The following DPP6 variants were observed in gnomAD, a reference collection of about 807,000 sequenced individuals.
The protein encoded by DPP6 is A-type potassium channel modulatory protein DPP6.
A neutral mutation model predicts 122.6 loss-of-function variants in DPP6; 69 were observed. The observed-to-expected ratio is 0.56, with a 90% CI of 0.46 to 0.69. DPP6 has a LOEUF of 0.69. Ranked by LOEUF, DPP6 falls within the 30% of genes least tolerant of loss-of-function variation. The probability of loss-of-function intolerance (pLI) is 0.00; values close to 1 mark genes in which losing one functional copy is unlikely to be tolerated. For synonymous variants in DPP6, 418 were observed against 433.1 expected (o/e 0.97, Z 0.43); for missense variants, 928 against 1,116.9 (o/e 0.83, Z 2.41).
At chr7:154,299,352 ACTC>A (rs1477084285) in intron 1 of DPP6, among the ~76,000 whole-genome samples, 3 of 152,052 alleles carry the variant, frequency 2.0e-5, no homozygotes, top group East Asian at 1.9e-4. Flanking sequence ...TGCAGGGAGA[ACTC>A]CTCAGTGGGA....
At chr7:154,629,768 C>A (rs1046380847) in intron 5 of DPP6, among the ~76,000 whole-genome samples, 1 of 152,152 alleles carries the variant, frequency 6.6e-6, no homozygotes, top group African/African-American at 2.4e-5. Context: ...GGGAGCTCAC[C>A]ACCTCAGGGA....
chr7:153,874,142 A>G, the DPP6 span, among the ~76,000 whole-genome samples: 1 of 152,212 alleles, frequency 6.6e-6, no homozygotes, highest in Non-Finnish European at 1.5e-5. Context: ...GCTTCAAATT[A>G]TCTGCACACC....
intron 1 of DPP6, among the ~76,000 whole-genome samples, chr7:154,330,447 A>G (rs1455645440): frequency 6.6e-6 from 1 of 152,140 alleles, no homozygotes; most frequent in East Asian, 1.9e-4. Context: ...CAGTTATGTC[A>G]CTGTGGGAAT....
At chr7:154,204,600 C>T (rs190007091) in intron 1 of DPP6, among the ~76,000 whole-genome samples, 13 of 152,306 alleles carry the variant, frequency 8.5e-5, no homozygotes, top group African/African-American at 2.2e-4. Context: ...CTCAGACCTG[C>T]GAGCCCCATT....
chr7:153,904,105 G>A (rs1799748400), intron 1 of DPP6, among the ~76,000 whole-genome samples: 1 of 152,150 alleles, frequency 6.6e-6, no homozygotes, highest in South Asian at 2.1e-4. Flanking sequence ...AAGCTGGACG[G>A]CAGTGGCATG....
intron 1 of DPP6, among the ~76,000 whole-genome samples, chr7:154,197,756 T>C (rs1449542509): frequency 6.6e-6 from 1 of 152,204 alleles, no homozygotes; most frequent in African/African-American, 2.4e-5. Flanking sequence ...GTTCAATTAA[T>C]ATAGATTATG....
In DPP6 at chr7:154,802,607, C is replaced by G. The variant is rs555964189; in HGVS notation, c.1407+1145C>G. On this transcript the variant is annotated intron_variant, in intron 13 of 25. Transcript: ENST00000377770. Reference sequence around the variant, plus strand: ...GGTGCGGTGGCTCACGCCTGTAATCCCAGCACTTTGGGAGGCCAAGGCAGG... The same window carrying G: ...GGTGCGGTGGCTCACGCCTGTAATCGCAGCACTTTGGGAGGCCAAGGCAGG... Among the ~76,000 whole-genome samples the G allele has an allele frequency of 2.6e-5, 4 of 152,238 alleles. No homozygotes were observed. The South Asian group carries it at 8.3e-4, about 32-fold the overall frequency.
intron 1 of DPP6, among the ~76,000 whole-genome samples, chr7:154,281,687 G>A (rs139392399): frequency 1.3e-5 from 2 of 152,290 alleles, no homozygotes; most frequent in Admixed American, 6.5e-5. Flanking sequence ...TTGTATCTTA[G>A]TATAAGATCT....
At chr7:154,541,020 C>A (rs927604785) in intron 4 of DPP6, among the ~76,000 whole-genome samples, 2 of 152,234 alleles carry the variant, frequency 1.3e-5, no homozygotes, top group African/African-American at 4.8e-5. Flanking sequence ...AACTTAGGCA[C>A]TGTGACTGTA....
At chr7:154,688,482 A>G (rs1014770696) in intron 7 of DPP6, among the ~76,000 whole-genome samples, 1 of 152,106 alleles carries the variant, frequency 6.6e-6, no homozygotes, top group Non-Finnish European at 1.5e-5. Flanking sequence ...TATGTCTGCT[A>G]GTGTATTAGT....
intron 1 of DPP6, among the ~76,000 whole-genome samples, chr7:154,121,964 G>A (rs1192529617): frequency 6.6e-6 from 1 of 151,968 alleles, no homozygotes; most frequent in East Asian, 1.9e-4. Context: ...ACCTTTCAAC[G>A]GACTGACTAC....
intron 1 of DPP6, among the ~76,000 whole-genome samples, chr7:154,034,092 T>G (rs1362731021): frequency 6.6e-6 from 1 of 152,246 alleles, no homozygotes; most frequent in Non-Finnish European, 1.5e-5. Context: ...TATCAATTTA[T>G]GGCTTATTAA....
At chr7:154,052,096 G>A (rs934228815), upstream of DPP6, among the ~76,000 whole-genome samples, 10 of 119,508 alleles carry the variant, frequency 8.4e-5, no homozygotes, top group African/African-American at 2.8e-4. This position sits in a 1 kb window ranked among gnomAD's most constrained non-coding sequence, Gnocchi z 4.8. Flanking sequence ...CCCTTGCACC[G>A]TCCGCTCGCG....
At chr7:154,724,558 T>A (rs1841973149) in intron 7 of DPP6, among the ~76,000 whole-genome samples, 1 of 152,178 alleles carries the variant, frequency 6.6e-6, no homozygotes, top group Non-Finnish European at 1.5e-5. Flanking sequence ...GACTTGAGTG[T>A]AAACATGTTG....
At chr7:154,787,034 G>T (rs986682159) in intron 10 of DPP6, among the ~76,000 whole-genome samples, 1 of 152,078 alleles carries the variant, frequency 6.6e-6, no homozygotes, top group East Asian at 1.9e-4. Context: ...CTCCCCTGTT[G>T]TCTTTATTAT....
rs149836823 is a variant in DPP6, at chr7:154,615,165, G to A, written c.628-22656G>A. Among the ~76,000 whole-genome samples, 647 of 152,226 alleles carry A rather than the reference G, an allele frequency of 4.3e-3. 5 individuals carry two copies. The highest frequency in any genetic ancestry group is 0.015 in the African/African-American group (620 of 41,538). On this transcript the variant is annotated intron_variant, in intron 5 of 25. Transcript: ENST00000377770. Reference sequence around the variant, plus strand: ...TTCTTGCCCATCTTTATCATGGGTAGATTTCTGGAGCCAGAACCAGAGCCA... The same window carrying A: ...TTCTTGCCCATCTTTATCATGGGTAAATTTCTGGAGCCAGAACCAGAGCCA...
intron 5 of DPP6, among the ~76,000 whole-genome samples, chr7:154,570,630 G>A (rs780906158): frequency 2.6e-5 from 4 of 152,084 alleles, no homozygotes; most frequent in Admixed American, 6.5e-5. Context: ...TCCTAATAAC[G>A]TTCCATGTTT....
upstream of DPP6, among the ~76,000 whole-genome samples, chr7:154,047,935 G>A (rs1472737767): frequency 4.7e-4 from 68 of 143,784 alleles, no homozygotes; most frequent in South Asian, 2.0e-3. Context: ...GCAGCCCTCC[G>A]AGGGGCCACA....
At chr7:154,308,314 T>A (rs1456527983) in intron 1 of DPP6, among the ~76,000 whole-genome samples, 1 of 151,370 alleles carries the variant, frequency 6.6e-6, no homozygotes, top group East Asian at 1.9e-4. Context: ...CCGTGTTTGC[T>A]AAAAAAAATG....
Sources: allele counts gnomAD v4.1 joint callset (sites outside exome capture counted in the v4.1 genomes callset), GRCh38; gene constraint gnomAD v4.1.1; non-coding constraint Gnocchi (gnomAD v3.1); transcripts MANE v1.5; gene names NCBI Gene and HGNC (gene_info 2026-07-23, HGNC 2026-07-21).